Variants in CNTRL observed in about 807,000 individuals in gnomAD.
CNTRL encodes the protein 110 kDa centrosomal protein.
A neutral mutation model predicts 303.7 loss-of-function variants in CNTRL; 233 were observed. The ratio of observed to expected loss-of-function variants is 0.77; its 90% CI spans 0.69 to 0.86. The LOEUF is 0.86. CNTRL is among the 40% of genes least tolerant of loss of function. CNTRL has a pLI of 0.00. For missense variants in CNTRL, 2,524 were observed against 2,650.6 expected, an observed-to-expected ratio of 0.95 and a Z score of 1.05; for synonymous variants, 900 against 922.2, an observed-to-expected ratio of 0.98 and a Z score of 0.44.
chr9:121,099,699 T>C (rs1284105585), intron 7 of CNTRL, among the ~76,000 whole-genome samples: 1 of 152,020 alleles, frequency 6.6e-6, no homozygotes, highest in Non-Finnish European at 1.5e-5. Flanking sequence ...ATAAACAGCA[T>C]AGAGAAGACC....
chr9:121,103,161 A>G (rs561007193), intron 7 of CNTRL, among the ~76,000 whole-genome samples: 1 of 152,372 alleles, frequency 6.6e-6, no homozygotes, highest in African/African-American at 2.4e-5. Context: ...CTACAAGGCT[A>G]CAGTAAACAA....
At chr9:121,115,260 T>A in intron 11 of CNTRL, 60 bp downstream of exon 11, 1 of 923,412 alleles carries the variant, frequency 1.1e-6, no homozygotes, top group Admixed American at 2.4e-5. Context: ...TGTTTTTCCC[T>A]TCATAACCAT....
chr9:121,076,328 C>A (rs1158035877), intron 1 of CNTRL, among the ~76,000 whole-genome samples: 1 of 151,964 alleles, frequency 6.6e-6, no homozygotes, highest in Non-Finnish European at 1.5e-5. Flanking sequence ...TTTAGGGTAT[C>A]TGAGCAGAAG....
At chr9:121,083,339 T>C (rs2048219821) in intron 2 of CNTRL, among the ~76,000 whole-genome samples, 1 of 152,210 alleles carries the variant, frequency 6.6e-6, no homozygotes, top group Admixed American at 6.5e-5. Context: ...TTAATTTCTT[T>C]ATAACCTTAT....
At position 121,142,169 on chromosome 9, in the gene CNTRL, A is replaced by G. The variant is rs1409590929; in HGVS notation, c.2770A>G (p.Lys924Glu). Reference protein sequence around the residue: ...NEIHYLQENLKSMEEIQGLTD... With the variant: ...NEIHYLQENLESMEEIQGLTD... ...AATTCACTATTTGCAAGAAAATCTA[A>G]AAAGTATGGAGGAAATCCAAGGCCT... Residue 924 changes from lysine to glutamate, a missense_variant, in exon 19 of 44, where the codon AAA (lysine) becomes GAA (glutamate). Lys to Glu is a moderately conservative substitution (Grantham distance 56). Transcript: ENST00000373855. 1.2e-6 allele frequency: 2 copies of G among 1,612,750 alleles called. No homozygotes were observed. The highest frequency in any genetic ancestry group is 1.7e-6 in the Non-Finnish European group (2 of 1,179,482).
Position 121,148,719 on chromosome 9 carries a change from T to G in CNTRL, c.3507T>G (p.Leu1169=), listed in dbSNP as rs141619947. ...SQATKDSGVG[L]KYSASTPVRK... ...CCACCAAGGACTCTGGTGTTGGCCT[T>G]AAGTACTCAGCCTCAACTCCTGTTA... The change falls in exon 24 of 44, where the codon CTT becomes CTG. Residue 1169 remains leucine (L), a synonymous_variant. Coordinates refer to ENST00000373855, the MANE Select transcript of CNTRL (RefSeq NM_007018.6). 47 of 1,614,042 alleles carry G rather than the reference T, an allele frequency of 2.9e-5. No homozygotes were observed. In the African/African-American group the frequency reaches 6.0e-4, roughly 21 times the overall value.
chr9:121,146,080 A>G (rs769965072), intron 22 of CNTRL, 28 bp from the exon 23 acceptor site: 2 of 1,560,492 alleles, frequency 1.3e-6, no homozygotes, highest in Non-Finnish European at 1.7e-6. Context: ...ATTTCATATC[A>G]ATTTCATAGA....
rs1454555267 is a variant in CNTRL, at chr9:121,141,409, A to T, written c.2512A>T (p.Lys838Ter). 6.2e-7 allele frequency: 1 copy of T among 1,613,738 alleles called. No individual in the cohort carries two copies. Among genetic ancestry groups the T allele is most frequent in the Non-Finnish European group, 8.5e-7 (1 of 1,179,816 alleles). The part of the protein sequence containing the change: ...NIHSPSDVLG[K>*]SLADLQKQFS... ...CCATAGTCCTTCAGATGTCTTAGGG[A>T]AAAGTCTTGCTGATTTACAGAAACA... Residue 838 changes from lysine to a stop codon, truncating the protein, a stop_gained, in exon 18 of 44, where the codon AAA becomes TAA. Coordinates refer to ENST00000373855, the MANE Select transcript of CNTRL (RefSeq NM_007018.6). LOFTEE classifies it high-confidence loss of function.
chr9:121,167,073 G>T (rs1393351632), intron 36 of CNTRL, among the ~76,000 whole-genome samples: 1 of 152,042 alleles, frequency 6.6e-6, no homozygotes, highest in Non-Finnish European at 1.5e-5. Flanking sequence ...ACTTTGGGAG[G>T]CCAAGGCAGG....
chr9:121,099,842 G>C (rs1246361321), intron 7 of CNTRL, among the ~76,000 whole-genome samples: 1 of 152,150 alleles, frequency 6.6e-6, no homozygotes, highest in Non-Finnish European at 1.5e-5. Context: ...AATGAAGCCA[G>C]AAGAGAAGTT....
At chr9:121,162,981 T>C (rs1564295738) in intron 34 of CNTRL, among the ~76,000 whole-genome samples, 1 of 152,086 alleles carries the variant, frequency 6.6e-6, no homozygotes, top group South Asian at 2.1e-4. Context: ...GCTGAAACAA[T>C]TGGATATACA....
At chr9:121,097,907 G>T (rs2048960458) in intron 6 of CNTRL, among the ~76,000 whole-genome samples, 1 of 152,168 alleles carries the variant, frequency 6.6e-6, no homozygotes, top group African/African-American at 2.4e-5. Context: ...TTTTTAGGTT[G>T]AGAATAAACT....
rs370479905 is a variant in CNTRL, at chr9:121,112,449, G to A, written c.1003-10G>A. 1 of 1,610,750 alleles carries A rather than the reference G, an allele frequency of 6.2e-7. No homozygotes were observed. Among genetic ancestry groups the A allele is most frequent in the African/African-American group, 1.3e-5 (1 of 74,722 alleles). Reference sequence around the variant, plus strand: ...CCTGTATGTTGTCTCATATCAAATTGGGCCAATAGCTAAAACAGAAGACCA... The same window carrying A: ...CCTGTATGTTGTCTCATATCAAATTAGGCCAATAGCTAAAACAGAAGACCA... On this transcript the variant is annotated splice_polypyrimidine_tract_variant and intron_variant, in intron 8 of 43. Coordinates refer to ENST00000373855, the MANE Select transcript of CNTRL (RefSeq NM_007018.6).
rs778944245 is a variant in CNTRL, at chr9:121,140,632, C to T, written c.2338-9C>T. The T allele has an allele frequency of 1.9e-6, 3 of 1,600,300 alleles. No homozygotes were observed. Among genetic ancestry groups the T allele is most frequent in the South Asian group, 1.1e-5 (1 of 89,204 alleles). On this transcript the variant is annotated splice_polypyrimidine_tract_variant and intron_variant, in intron 16 of 43. Coordinates refer to ENST00000373855, the MANE Select transcript of CNTRL (RefSeq NM_007018.6). ...TAATAGATAATCCCTATTTCATCCC[C>T]CTCCATAGGATGACAATAATCTGTT... is the stretch of plus-strand genomic sequence containing the variant.
Position 121,171,351 on chromosome 9 carries a change from A to G in CNTRL, c.6277-57A>G. 1.9e-6 allele frequency: 3 copies of G among 1,602,158 alleles called. No homozygotes were observed. In the East Asian group the frequency reaches 6.7e-5, roughly 36 times the overall value. ...TATAGAGCTAGTGAGTGTGTAAGCC[A>G]GCAAACCACACCTCCATGTGTTAGA... is the stretch of plus-strand genomic sequence containing the variant. On this transcript the variant is annotated intron_variant, in intron 39 of 43. Transcript: ENST00000373855.
chr9:121,130,960 C>T (rs1387361801), intron 14 of CNTRL, among the ~76,000 whole-genome samples: 6 of 152,136 alleles, frequency 3.9e-5, no homozygotes, highest in Non-Finnish European at 7.3e-5. Context: ...TTTCTTAATC[C>T]TGAGTTCTAA....
intron 14 of CNTRL, among the ~76,000 whole-genome samples, chr9:121,128,565 CA>C (rs1314921460): frequency 7.2e-5 from 11 of 152,146 alleles, no homozygotes; most frequent in Non-Finnish European, 1.5e-4. Context: ...GAGCAGATTG[CA>C]AAAATTTTCT....
intron 2 of CNTRL, among the ~76,000 whole-genome samples, chr9:121,082,404 A>T (rs1293531334): frequency 6.6e-6 from 1 of 152,220 alleles, no homozygotes; most frequent in Non-Finnish European, 1.5e-5. Flanking sequence ...GTTAGGTTGC[A>T]GTTCATTATG....
intron 13 of CNTRL, 58 bp downstream of exon 13, chr9:121,124,142 T>A: frequency 7.0e-7 from 1 of 1,426,150 alleles, no homozygotes; most frequent in Non-Finnish European, 9.5e-7. Flanking sequence ...AAAGAAACAT[T>A]ATAAAGACAA....
Sources: allele counts gnomAD v4.1 joint callset (sites outside exome capture counted in the v4.1 genomes callset), GRCh38; gene constraint gnomAD v4.1.1; transcripts MANE v1.5; gene names NCBI Gene and HGNC (gene_info 2026-07-23, HGNC 2026-07-21).